Variants in BCAP29 observed in about 807,000 individuals in gnomAD.
BCAP29 encodes B cell receptor associated protein 29, also known as B-cell receptor-associated protein 29.
Under a neutral mutation model 31.8 loss-of-function variants are expected in BCAP29, and 34 were observed. That is an observed-to-expected ratio of 1.07 (90% CI 0.81 to 1.42). The LOEUF (loss-of-function observed/expected upper bound fraction) is 1.42, where lower values mean the gene tolerates loss of function less well. Ranked by LOEUF, BCAP29 falls within the 40% of genes most tolerant of loss-of-function variation. The pLI, the probability that BCAP29 is intolerant of heterozygous loss-of-function variation, is 0.00. For synonymous variants in BCAP29, 104 were observed against 91.3 expected, an observed-to-expected ratio of 1.14 and a Z score of -0.79; for missense variants, 314 against 269.2, an observed-to-expected ratio of 1.17 and a Z score of -1.16.
rs1814705721 is a variant in BCAP29, at chr7:107,619,361, A to G, written c.*998A>G. The G allele has an allele frequency of 6.6e-6, 1 of 152,518 alleles. No individual in the cohort carries two copies. Among genetic ancestry groups the G allele is most frequent in the Admixed American group, 6.5e-5 (1 of 15,278 alleles). 9.4% of individuals were successfully genotyped at this position (152,518 alleles called of 1,614,324 possible). On this transcript the variant is annotated 3_prime_UTR_variant, in exon 8 of 8. Coordinates refer to ENST00000005259, the MANE Select transcript of BCAP29 (RefSeq NM_018844.4). ...TTTAGAAGATGGCAGTGATTATAAT[A>G]TTAATATGATTTCATTTGTTCCAGT...
At chr7:107,602,964 C>CTTTTTTTTTTTTTT (rs34887499) in intron 6 of BCAP29, among the ~76,000 whole-genome samples, 4 of 68,288 alleles carry the variant, frequency 5.9e-5, no homozygotes, top group Admixed American at 2.2e-4. Flanking sequence ...TTCTTTTATT[C>CTTTTTTTTTTTTTT]TTTTTTTTTT....
chr7:107,612,406 TATATATATATATATATATATATA>T (rs1563141259), intron 6 of BCAP29, among the ~76,000 whole-genome samples: 1 of 32,038 alleles, frequency 3.1e-5, no homozygotes, highest in African/African-American at 7.0e-5. Flanking sequence ...TATATATATA[TATATATATATATATATATATATA>T]TATATATATA....
At chr7:107,591,344 A>AT (rs1430617352) in intron 3 of BCAP29, among the ~76,000 whole-genome samples, 3 of 152,214 alleles carry the variant, frequency 2.0e-5, no homozygotes, top group African/African-American at 7.2e-5. Context: ...ACACTACCAG[A>AT]TTTCAACAGT....
In BCAP29 at chr7:107,619,990, T is replaced by C. The variant is rs549435917; in HGVS notation, c.*1627T>C. 34 of 152,352 alleles carry C rather than the reference T, an allele frequency of 2.2e-4. No homozygotes were observed. The highest frequency in any genetic ancestry group is 7.9e-4 in the African/African-American group (33 of 41,586). 9.4% of individuals were successfully genotyped at this position (152,352 alleles called of 1,614,324 possible). A position where few individuals can be genotyped will look rare whatever the true frequency, so the allele number is the denominator to read the frequency against. The stretch of plus-strand genomic sequence containing the variant: ...AATAAAATTTAGGTCAGGATTACTA[T>C]ATAAACTAAGATAATACAGTGATTC... On this transcript the variant is annotated 3_prime_UTR_variant, in exon 8 of 8. Coordinates refer to ENST00000005259, the MANE Select transcript of BCAP29 (RefSeq NM_018844.4).
intron 4 of BCAP29, 83 bp downstream of exon 4, chr7:107,594,188 ATTTT>A (rs879432395): frequency 5.7e-6 from 6 of 1,060,000 alleles, no homozygotes; most frequent in Non-Finnish European, 7.8e-6. Context: ...TTTACTGTAG[ATTTT>A]TTTTTTTTTT....
chr7:107,599,056 T>C (rs1810426282), intron 5 of BCAP29, among the ~76,000 whole-genome samples: 1 of 135,034 alleles, frequency 7.4e-6, no homozygotes, highest in South Asian at 2.1e-4. Flanking sequence ...ATATAAAATA[T>C]ATTTATAAAT....
Position 107,613,394 on chromosome 7 carries a change from G to C in BCAP29, c.652G>C (p.Glu218Gln). 6.2e-7 allele frequency: 1 copy of C among 1,613,074 alleles called. No homozygotes were observed. The highest frequency in any genetic ancestry group is 8.5e-7 in the Non-Finnish European group (1 of 1,179,186). ...MKMQSERLSK[E>Q]YDQLLKEHSE... ...GATGCAGTCAGAGAGACTTTCGAAA[G>C]AATATGATCAACTCCTGAAAGAACA... Residue 218 changes from glutamate to glutamine, a missense_variant, in exon 7 of 8, where the codon GAA becomes CAA. Transcript: ENST00000005259.
intron 2 of BCAP29, among the ~76,000 whole-genome samples, chr7:107,581,517 C>G (rs1325551331): frequency 1.3e-5 from 2 of 152,160 alleles, no homozygotes; most frequent in African/African-American, 4.8e-5. Context: ...GTTCATTTTA[C>G]CCTTGCAGTA....
intron 4 of BCAP29, among the ~76,000 whole-genome samples, chr7:107,595,323 T>G (rs1009431663): frequency 6.6e-6 from 1 of 152,224 alleles, no homozygotes; most frequent in African/African-American, 2.4e-5. Flanking sequence ...GGGCATGGAC[T>G]TTGCTGTTTT....
At chr7:107,620,934 C>T (rs1360170889), downstream of BCAP29, 3 of 152,296 alleles carry the variant, frequency 2.0e-5, no homozygotes, top group African/African-American at 7.2e-5. Flanking sequence ...GCCTGGATCT[C>T]TAAATATTAC....
At chr7:107,605,738 A>G (rs1811970066) in intron 6 of BCAP29, among the ~76,000 whole-genome samples, 1 of 152,204 alleles carries the variant, frequency 6.6e-6, no homozygotes, top group Admixed American at 6.5e-5. Flanking sequence ...GTTCTTTTCT[A>G]CTGTCTTATT....
intron 6 of BCAP29, among the ~76,000 whole-genome samples, chr7:107,602,588 T>G (rs934050501): frequency 6.6e-6 from 1 of 151,772 alleles, no homozygotes; most frequent in Non-Finnish European, 1.5e-5. Context: ...GAAAATAGGG[T>G]GTTTTCCATA....
In BCAP29 at chr7:107,608,458, A is replaced by ATTTG. The variant is rs753945661; in HGVS notation, c.590-4846_590-4843dup. Among the ~76,000 whole-genome samples, 1,293 of 149,672 alleles carry ATTTG rather than the reference A, an allele frequency of 8.6e-3. 16 individuals are homozygous for ATTTG. The highest frequency in any genetic ancestry group is 0.039 in the Admixed American group (582 of 15,020). On this transcript the variant is annotated intron_variant, in intron 6 of 7. Coordinates refer to ENST00000005259, the MANE Select transcript of BCAP29 (RefSeq NM_018844.4). ...CCTTTGACACATTTCCATTTTGGAT[A>ATTTG]TTTGTTTGTTTGTTTGTTTGTTTGT...
chr7:107,618,319 TC>T lies in BCAP29; in HGVS notation c.691-7del, dbSNP rs1585265274. On this transcript the variant is annotated splice_polypyrimidine_tract_variant and splice_region_variant and intron_variant, in intron 7 of 7. Transcript: ENST00000005259. ...CTGTACTACATAAATCATATTTTTTTCCTTACAGGATCGTTTAGAAAGAGGC... is the reference window on the plus strand; with the variant it reads ...CTGTACTACATAAATCATATTTTTTTCTTACAGGATCGTTTAGAAAGAGGC... The T allele has an allele frequency of 6.4e-7, 1 of 1,553,554 alleles. No homozygotes were observed. Among genetic ancestry groups the T allele is most frequent in the Non-Finnish European group, 8.7e-7 (1 of 1,149,510 alleles).
intron 6 of BCAP29, among the ~76,000 whole-genome samples, chr7:107,605,817 G>A (rs2129272892): frequency 6.6e-6 from 1 of 152,272 alleles, no homozygotes; most frequent in East Asian, 1.9e-4. Flanking sequence ...ATCAGCTTAT[G>A]GCAGGTTCAT....
At chr7:107,599,450 G>T (rs1408696199) in intron 5 of BCAP29, among the ~76,000 whole-genome samples, 1 of 145,378 alleles carries the variant, frequency 6.9e-6, no homozygotes, top group East Asian at 2.0e-4. Context: ...AGCCCAGGAG[G>T]TCAGGGCTGA....
chr7:107,607,724 C>T (rs1009514450), intron 6 of BCAP29, among the ~76,000 whole-genome samples: 2 of 151,320 alleles, frequency 1.3e-5, no homozygotes, highest in Non-Finnish European at 2.9e-5. Flanking sequence ...GCAACCTCCG[C>T]CCCCCAGGTC....
At chr7:107,582,296 G>C (rs76497971) in intron 2 of BCAP29, among the ~76,000 whole-genome samples, 2,670 of 152,222 alleles carry the variant, frequency 0.018, 87 homozygotes, top group African/African-American at 0.059. Context: ...GTAGCTATTA[G>C]ATAGATGTGT....
At chr7:107,586,035 A>G (rs779255230) in intron 3 of BCAP29, among the ~76,000 whole-genome samples, 2 of 152,154 alleles carry the variant, frequency 1.3e-5, no homozygotes, top group Non-Finnish European at 2.9e-5. Context: ...TAAAAAAGGA[A>G]AAATTTGTAA....
Sources: allele counts gnomAD v4.1 joint callset (sites outside exome capture counted in the v4.1 genomes callset), GRCh38; gene constraint gnomAD v4.1.1; transcripts MANE v1.5; gene names NCBI Gene and HGNC (gene_info 2026-07-23, HGNC 2026-07-21).